Variants in ADGRL3 observed in about 807,000 individuals in gnomAD.
ADGRL3 encodes the protein adhesion G protein-coupled receptor L3.
A neutral mutation model predicts 153.5 loss-of-function variants in ADGRL3; 62 were observed. The ratio of observed to expected loss-of-function variants is 0.40; its 90% CI spans 0.33 to 0.50. The LOEUF is 0.50. Ranked by LOEUF, ADGRL3 falls within the 20% of genes least tolerant of loss-of-function variation. ADGRL3 has a pLI of 0.47. For synonymous variants in ADGRL3, 710 were observed against 672.5 expected (o/e 1.06, Z -0.86); for missense variants, 1,641 against 1,859.4 (o/e 0.88, Z 2.16).
chr4:61,407,204 GTT>G (rs889446473), intron 2 of ADGRL3, among the ~76,000 whole-genome samples: 1 of 151,848 alleles, frequency 6.6e-6, no homozygotes, highest in African/African-American at 2.4e-5. Flanking sequence ...ATAATTTGAG[GTT>G]TTTTTGTAAC....
intron 2 of ADGRL3, among the ~76,000 whole-genome samples, chr4:61,430,083 A>G (rs1026120587): frequency 2.6e-5 from 4 of 152,154 alleles, no homozygotes; most frequent in Admixed American, 1.3e-4. Context: ...CAAACTCTAC[A>G]TCGACAATGA....
At chr4:61,992,708 T>C (rs2099107701) in intron 19 of ADGRL3, among the ~76,000 whole-genome samples, 1 of 152,164 alleles carries the variant, frequency 6.6e-6, no homozygotes, top group Non-Finnish European at 1.5e-5. Context: ...TTTTACCAAA[T>C]AGATATAAAA....
chr4:61,978,435 A>T (rs1229275384), intron 17 of ADGRL3, among the ~76,000 whole-genome samples: 1 of 152,066 alleles, frequency 6.6e-6, no homozygotes, highest in Non-Finnish European at 1.5e-5. Context: ...CATTGTAGGA[A>T]TTAACCTTTT....
chr4:61,628,183 T>TATTA, intron 5 of ADGRL3, among the ~76,000 whole-genome samples: 1 of 152,204 alleles, frequency 6.6e-6, no homozygotes, highest in Non-Finnish European at 1.5e-5. Context: ...TATTGTCTCC[T>TATTA]ATTACATTGT....
At chr4:61,505,824 TA>T (rs34446845) in intron 3 of ADGRL3, among the ~76,000 whole-genome samples, 105,442 of 150,600 alleles carry the variant, frequency 0.7, 37,146 homozygotes, top group African/African-American at 0.81. Context: ...CATCTTTTAA[TA>T]AAAAAAAAAC....
At chr4:61,334,732 A>G (rs1374051335) in intron 1 of ADGRL3, among the ~76,000 whole-genome samples, 1 of 152,080 alleles carries the variant, frequency 6.6e-6, no homozygotes, top group East Asian at 1.9e-4. Context: ...TATATAATAT[A>G]TATTTTAAAG....
chr4:61,295,231 G>C (rs1237147274), intron 1 of ADGRL3, among the ~76,000 whole-genome samples: 2 of 152,034 alleles, frequency 1.3e-5, no homozygotes, highest in African/African-American at 4.8e-5. Context: ...TGTGTTCAAG[G>C]AACCCTTATT....
chr4:61,416,372 G>T (rs560326277), intron 2 of ADGRL3, among the ~76,000 whole-genome samples: 1 of 150,486 alleles, frequency 6.6e-6, no homozygotes, highest in East Asian at 1.9e-4. Context: ...AAAGCAATTG[G>T]ACTGACATAT....
At chr4:61,486,689 C>T (rs1450863065) in intron 2 of ADGRL3, among the ~76,000 whole-genome samples, 1 of 152,192 alleles carries the variant, frequency 6.6e-6, no homozygotes, top group Non-Finnish European at 1.5e-5. Context: ...GAATTAAATA[C>T]TCTTACTGAT....
At chr4:61,856,950 CTCTTTCTTTCTT>C (rs55713412) in intron 9 of ADGRL3, among the ~76,000 whole-genome samples, 740 of 56,984 alleles carry the variant, frequency 0.013, 8 homozygotes, top group Admixed American at 0.044. Context: ...CTTTCTTCTT[CTCTTTCTTTCTT>C]TCTTTCTTTC....
chr4:61,425,543 T>A (rs1279323464), intron 2 of ADGRL3: 1 of 152,344 alleles, frequency 6.6e-6, no homozygotes, highest in Non-Finnish European at 1.5e-5. Context: ...GCACAGGTAC[T>A]AACAAGGATG....
chr4:61,320,451 T>G (rs2095331942), intron 1 of ADGRL3, among the ~76,000 whole-genome samples: 1 of 152,140 alleles, frequency 6.6e-6, no homozygotes, highest in South Asian at 2.1e-4. Context: ...AGCTCCCAAG[T>G]GCAAAATCTG....
Position 61,758,021 on chromosome 4 carries a change from G to A in ADGRL3, c.1399+24467G>A, listed in dbSNP as rs147847035. ...TAATTTCTGTTCTTTTACATTTGCT[G>A]AGGAGTGCTTTACTTCCAACTATGT... On this transcript the variant is annotated intron_variant, in intron 8 of 26. Coordinates refer to ENST00000683033, the MANE Select transcript of ADGRL3 (RefSeq NM_001387552.1). Among the ~76,000 whole-genome samples, 787 of 152,292 alleles carry A rather than the reference G, an allele frequency of 5.2e-3. 12 individuals are homozygous for A. Among genetic ancestry groups the A allele is most frequent in the African/African-American group, 0.018 (756 of 41,548 alleles).
chr4:61,727,431 A>G (rs1357777971), intron 6 of ADGRL3, among the ~76,000 whole-genome samples: 2 of 152,192 alleles, frequency 1.3e-5, no homozygotes, highest in African/African-American at 2.4e-5. Flanking sequence ...ACTCGTTTCA[A>G]AAACGTTTGG....
At chr4:61,972,082 G>A (rs1223554215) in intron 17 of ADGRL3, among the ~76,000 whole-genome samples, 5 of 151,972 alleles carry the variant, frequency 3.3e-5, no homozygotes, top group African/African-American at 9.6e-5. Context: ...AGTAGGTTGT[G>A]AAAATTTTCT....
At chr4:61,292,251 T>C (rs1439216860) in intron 1 of ADGRL3, among the ~76,000 whole-genome samples, 1 of 152,120 alleles carries the variant, frequency 6.6e-6, no homozygotes, top group Non-Finnish European at 1.5e-5. Context: ...CCATTAGGGC[T>C]GAAGTATAAA....
intron 25 of ADGRL3, among the ~76,000 whole-genome samples, chr4:62,047,137 GTTTTTTATAGATAGTGTTT>G (rs1731547208): frequency 6.6e-6 from 1 of 151,396 alleles, no homozygotes; most frequent in African/African-American, 2.4e-5. Flanking sequence ...AATTCATTTA[GTTTTTTATAGATAGTGTTT>G]TTTTTTAAAT....
chr4:61,367,005 T>C (rs2096410057), intron 1 of ADGRL3, among the ~76,000 whole-genome samples: 1 of 152,168 alleles, frequency 6.6e-6, no homozygotes, highest in Non-Finnish European at 1.5e-5. Flanking sequence ...AGAATGAAAA[T>C]GATTGTAAAC....
rs374420940 is a variant in ADGRL3 at position 61,983,424 on chromosome 4, C to T, written c.3057C>T (p.Phe1019=). ...TCGCTGCCCTGTTACATTTCTTCTT[C>T]TTGGCTGCCTTCACCTGGATGTTCC... ...AVFAALLHFF[F]LAAFTWMFLE... The change falls in exon 19 of 27, where the codon TTC becomes TTT. Residue 1019 remains phenylalanine (F), a synonymous_variant. Transcript: ENST00000683033. The T allele has an allele frequency of 1.2e-5, 19 of 1,613,852 alleles. No individual in the cohort carries two copies. The African/African-American group carries it at 1.9e-4, about 16-fold the overall frequency.
Sources: gnomAD v4.1 joint callset for allele counts (sites outside exome capture counted in the v4.1 genomes callset) on GRCh38, gnomAD v4.1.1 for gene constraint, MANE v1.5 for transcripts, NCBI Gene and HGNC (gene_info 2026-07-23, HGNC 2026-07-21) for gene names.